Variants in GRM3 observed in about 807,000 individuals in gnomAD.
GRM3 encodes the protein glutamate metabotropic receptor 3.
A neutral mutation model predicts 70.5 loss-of-function variants in GRM3; 26 were observed. The ratio of observed to expected loss-of-function variants is 0.37; its 90% CI spans 0.27 to 0.51. The LOEUF (loss-of-function observed/expected upper bound fraction) is 0.51. Among genes scored for constraint, GRM3 ranks in the 20% least tolerant of loss-of-function variants. The pLI is 0.93. For synonymous variants in GRM3, 443 were observed against 434.9 expected (o/e 1.02, Z -0.23); for missense variants, 859 against 1,123.8 (o/e 0.76, Z 3.37).
At chr7:86,652,830 G>C (rs535144714) in intron 1 of GRM3, among the ~76,000 whole-genome samples, 4 of 152,300 alleles carry the variant, frequency 2.6e-5, no homozygotes, top group Non-Finnish European at 4.4e-5. Flanking sequence ...CAGAGAGCCT[G>C]CATTAGAATC....
intron 5 of GRM3, among the ~76,000 whole-genome samples, chr7:86,856,559 T>C (rs1798851379): frequency 6.6e-6 from 1 of 151,908 alleles, no homozygotes; most frequent in Non-Finnish European, 1.5e-5. Context: ...CTTTTACCTA[T>C]GTAACACACC....
Position 86,750,758 on chromosome 7 carries a change from T to C in GRM3, c.-140-14248T>C, listed in dbSNP as rs533016722. 2.6e-4 allele frequency among the ~76,000 whole-genome samples: 39 copies of C among 150,538 alleles called. No individual in the cohort carries two copies. In the South Asian group the frequency reaches 8.2e-3, roughly 31 times the overall value. ...TGCAACAATCAGAAACAAAGATCAA[T>C]AAAAGATTGATGTTATCTAAAAATA... On this transcript the variant is annotated intron_variant, in intron 1 of 5. Coordinates refer to ENST00000361669, the MANE Select transcript of GRM3 (RefSeq NM_000840.3).
At chr7:86,858,442 C>T (rs970369524) in intron 5 of GRM3, among the ~76,000 whole-genome samples, 6 of 151,996 alleles carry the variant, frequency 3.9e-5, no homozygotes, top group Non-Finnish European at 5.9e-5. Context: ...CAGGGTGGGG[C>T]CCCCATGATG....
rs181778127 is a variant in GRM3 at position 86,663,245 on chromosome 7, A to G, written c.-141+18373A>G. Among the ~76,000 whole-genome samples the G allele has an allele frequency of 1.2e-3, 178 of 152,066 alleles. 2 individuals carry two copies. Among genetic ancestry groups the G allele is most frequent in the African/African-American group, 4.0e-3 (166 of 41,534 alleles). On this transcript the variant is annotated intron_variant, in intron 1 of 5. Transcript: ENST00000361669. ...AGCAGTGGCCAATGAGGTAAGGGGT[A>G]GGCCAAGAGAAAGTGGTATCATGCA...
At chr7:86,852,281 T>A (rs1267270621) in intron 5 of GRM3, among the ~76,000 whole-genome samples, 1 of 151,844 alleles carries the variant, frequency 6.6e-6, no homozygotes, top group Non-Finnish European at 1.5e-5. Flanking sequence ...TTAGAACAAT[T>A]TAGCAGAGTC....
At chr7:86,658,022 A>G (rs1793791024) in intron 1 of GRM3, among the ~76,000 whole-genome samples, 1 of 152,218 alleles carries the variant, frequency 6.6e-6, no homozygotes, top group South Asian at 2.1e-4. Flanking sequence ...TCAAAATTCT[A>G]ACTCTCTGAA....
chr7:86,764,061 C>T (rs951938363), intron 1 of GRM3, among the ~76,000 whole-genome samples: 1 of 151,980 alleles, frequency 6.6e-6, no homozygotes, highest in African/African-American at 2.4e-5. Context: ...AGATTTCTGG[C>T]CTGAGAGCCT....
Position 86,648,122 on chromosome 7 carries a change from T to C in GRM3, c.-141+3250T>C, listed in dbSNP as rs183574428. 4.6e-5 allele frequency among the ~76,000 whole-genome samples: 7 copies of C among 152,334 alleles called. No individual in the cohort carries two copies. In the East Asian group the frequency reaches 1.3e-3, roughly 29 times the overall value. ...ACAGTTACAGGAGAGAATACAAAGA[T>C]GGCAATTCTATGTCCAGACATCTTT... On this transcript the variant is annotated intron_variant, in intron 1 of 5. Coordinates refer to ENST00000361669, the MANE Select transcript of GRM3 (RefSeq NM_000840.3).
chr7:86,649,522 A>G (rs1292013120), intron 1 of GRM3, among the ~76,000 whole-genome samples: 1 of 152,150 alleles, frequency 6.6e-6, no homozygotes, highest in Non-Finnish European at 1.5e-5. Flanking sequence ...CAAAAAGCCC[A>G]AAGTAACTCT....
chr7:86,819,561 T>A (rs942373252), intron 3 of GRM3, among the ~76,000 whole-genome samples: 2 of 151,886 alleles, frequency 1.3e-5, no homozygotes. Flanking sequence ...AGAGCCCGAG[T>A]TGAAACTAAT....
chr7:86,758,425 T>A (rs954305342), intron 1 of GRM3, among the ~76,000 whole-genome samples: 1 of 152,146 alleles, frequency 6.6e-6, no homozygotes, highest in Non-Finnish European at 1.5e-5. Context: ...CAAAGGTGGA[T>A]CACAGGGAAT....
chr7:86,769,982 A>G (rs1222561888), intron 2 of GRM3, among the ~76,000 whole-genome samples: 1 of 152,174 alleles, frequency 6.6e-6, no homozygotes, highest in Non-Finnish European at 1.5e-5. Flanking sequence ...AACAGTATTT[A>G]TATTTATTCA....
intron 2 of GRM3, among the ~76,000 whole-genome samples, chr7:86,782,200 C>G (rs2116513046): frequency 6.9e-6 from 1 of 144,204 alleles, no homozygotes; most frequent in East Asian, 2.0e-4. Context: ...CACCCTGTCC[C>G]TTTCACCCTG....
At chr7:86,799,330 T>C (rs1373571552) in intron 3 of GRM3, among the ~76,000 whole-genome samples, 1 of 152,204 alleles carries the variant, frequency 6.6e-6, no homozygotes, top group Non-Finnish European at 1.5e-5. Context: ...CCTATTTGAA[T>C]ACTCTTTATT....
intron 1 of GRM3, among the ~76,000 whole-genome samples, chr7:86,683,240 G>T (rs939445460): frequency 6.6e-6 from 1 of 152,164 alleles, no homozygotes; most frequent in Non-Finnish European, 1.5e-5. Flanking sequence ...AGGAGAAGAG[G>T]AAGGAGTCAA....
intron 1 of GRM3, among the ~76,000 whole-genome samples, chr7:86,657,808 A>G (rs1004516214): frequency 2.1e-5 from 3 of 145,112 alleles, no homozygotes; most frequent in Non-Finnish European, 2.9e-5. Flanking sequence ...TCTAAAAGAC[A>G]TAAAGATGAA....
chr7:86,772,485 T>C (rs184221661), intron 2 of GRM3, among the ~76,000 whole-genome samples: 64 of 152,204 alleles, frequency 4.2e-4, no homozygotes, highest in African/African-American at 1.5e-3. Flanking sequence ...GTGCCACAGA[T>C]GCTTTGATTT....
At chr7:86,795,878 TC>T (rs779422586) in intron 3 of GRM3, among the ~76,000 whole-genome samples, 2 of 152,222 alleles carry the variant, frequency 1.3e-5, no homozygotes, top group Non-Finnish European at 2.9e-5. Context: ...GTAAAAGCAT[TC>T]CTATTTCTCC....
chr7:86,690,716 G>A (rs1025262996), intron 1 of GRM3, among the ~76,000 whole-genome samples: 2 of 152,078 alleles, frequency 1.3e-5, no homozygotes, highest in African/African-American at 4.8e-5. Flanking sequence ...CAGCTTTGCC[G>A]AGTGGGAATC....
Sources: allele counts gnomAD v4.1 joint callset (sites outside exome capture counted in the v4.1 genomes callset), GRCh38; gene constraint gnomAD v4.1.1; transcripts MANE v1.5; gene names NCBI Gene and HGNC (gene_info 2026-07-23, HGNC 2026-07-21).